The following KCNH1 variants were observed in gnomAD, a reference collection of about 807,000 sequenced individuals.
KCNH1 encodes potassium voltage-gated channel subfamily H member 1.
KCNH1 carries 27 observed loss-of-function variants against 69.2 expected under a neutral mutation model. The ratio of observed to expected loss-of-function variants is 0.39; its 90% CI spans 0.29 to 0.54. The LOEUF (loss-of-function observed/expected upper bound fraction) is 0.54. Ranked by LOEUF, KCNH1 falls within the 20% of genes least tolerant of loss-of-function variation. KCNH1 has a pLI of 0.68. For missense variants in KCNH1, 798 were observed against 1,261.6 expected (o/e 0.63, Z 5.57); for synonymous variants, 456 against 487.7 (o/e 0.93, Z 0.86).
intron 6 of KCNH1, among the ~76,000 whole-genome samples, chr1:210,987,065 GGTGA>G (rs2102385044): frequency 6.6e-6 from 1 of 152,248 alleles, no homozygotes; most frequent in African/African-American, 2.4e-5. Flanking sequence ...CTTTCTTCCA[GGTGA>G]GTGAATCAGC....
chr1:210,804,306 C>T, intron 7 of KCNH1, 140 bp from the exon 8 acceptor site: 1 of 678,902 alleles, frequency 1.5e-6, no homozygotes, highest in South Asian at 1.9e-5. Context: ...TGACTATTCT[C>T]AGGAGACCCT....
intron 10 of KCNH1, among the ~76,000 whole-genome samples, chr1:210,765,115 A>G (rs750659602): frequency 3.9e-5 from 6 of 152,214 alleles, no homozygotes; most frequent in Non-Finnish European, 5.9e-5. Context: ...ACAGAAAACT[A>G]TGTACCACAT....
chr1:211,059,147 G>A (rs1690372855), intron 5 of KCNH1, among the ~76,000 whole-genome samples: 1 of 151,900 alleles, frequency 6.6e-6, no homozygotes, highest in African/African-American at 2.4e-5. Context: ...AGGTATGGTG[G>A]CATGTGCCTG....
At chr1:210,784,542 T>G (rs915743688) in intron 9 of KCNH1, among the ~76,000 whole-genome samples, 4 of 152,150 alleles carry the variant, frequency 2.6e-5, no homozygotes, top group African/African-American at 9.7e-5. Context: ...GGATTTCTTA[T>G]GCCAACAAAG....
At chr1:210,988,192 C>T (rs367597709) in intron 6 of KCNH1, among the ~76,000 whole-genome samples, 5 of 152,184 alleles carry the variant, frequency 3.3e-5, no homozygotes, top group Non-Finnish European at 7.3e-5. Context: ...ACCCCTTTCT[C>T]TGACTAGGAA....
chr1:210,718,330 A>G (rs56035757), intron 10 of KCNH1, among the ~76,000 whole-genome samples: 2 of 31,552 alleles, frequency 6.3e-5, no homozygotes, highest in Non-Finnish European at 1.6e-4. Context: ...AAATATATAT[A>G]AATATATGTA....
chr1:210,995,486 T>C (rs529495661), intron 6 of KCNH1, among the ~76,000 whole-genome samples: 34 of 152,266 alleles, frequency 2.2e-4, no homozygotes, highest in African/African-American at 7.5e-4. Flanking sequence ...AAACTTACAG[T>C]ACACACACAA....
intron 7 of KCNH1, among the ~76,000 whole-genome samples, chr1:210,897,698 T>G (rs750332070): frequency 2.6e-5 from 4 of 152,192 alleles, no homozygotes; most frequent in Admixed American, 6.5e-5. Context: ...CCTTGCATGC[T>G]CACCTGCCTT....
intron 7 of KCNH1, among the ~76,000 whole-genome samples, chr1:210,810,284 T>C (rs1479812430): frequency 1.3e-5 from 2 of 152,198 alleles, no homozygotes; most frequent in Non-Finnish European, 2.9e-5. Context: ...GTAGGATCCC[T>C]TGTCCTGCAT....
chr1:210,980,738 C>G (rs1688694533), intron 6 of KCNH1, among the ~76,000 whole-genome samples: 1 of 151,866 alleles, frequency 6.6e-6, no homozygotes, highest in Admixed American at 6.6e-5. Flanking sequence ...CTCTGGTTCT[C>G]CAGAAAGGGG....
chr1:210,888,091 T>A (rs1282551689), intron 7 of KCNH1, among the ~76,000 whole-genome samples: 1 of 152,046 alleles, frequency 6.6e-6, no homozygotes, highest in East Asian at 1.9e-4. Context: ...CCAACCCAAA[T>A]CAACAGAATA....
intron 6 of KCNH1, among the ~76,000 whole-genome samples, chr1:210,989,232 A>G (rs1446345753): frequency 6.6e-6 from 1 of 152,254 alleles, no homozygotes; most frequent in Non-Finnish European, 1.5e-5. Context: ...CAAGACTCAG[A>G]GATGTTAACT....
intron 3 of KCNH1, among the ~76,000 whole-genome samples, chr1:211,095,273 G>A (rs1691127853): frequency 6.6e-6 from 1 of 152,140 alleles, no homozygotes; most frequent in Non-Finnish European, 1.5e-5. Context: ...AAGGACAACG[G>A]GTCAATGTTA....
chr1:210,685,475 G>A (rs1012732184), intron 10 of KCNH1, among the ~76,000 whole-genome samples: 5 of 152,128 alleles, frequency 3.3e-5, no homozygotes. Context: ...AGGCACACGT[G>A]GTGGCATGCC....
intron 10 of KCNH1, among the ~76,000 whole-genome samples, chr1:210,769,684 G>A (rs990826716): frequency 2.0e-5 from 3 of 152,206 alleles, no homozygotes; most frequent in African/African-American, 7.2e-5. Flanking sequence ...TTGCTTGTCT[G>A]CAGTACATCA....
At chr1:210,929,020 G>A (rs2221251) in intron 6 of KCNH1, among the ~76,000 whole-genome samples, 132 of 152,152 alleles carry the variant, frequency 8.7e-4, no homozygotes, top group African/African-American at 3.1e-3. Flanking sequence ...AACAAGTAGC[G>A]AGATTGAAAT....
At chr1:210,987,536 G>A (rs1036235574) in intron 6 of KCNH1, among the ~76,000 whole-genome samples, 1 of 152,192 alleles carries the variant, frequency 6.6e-6, no homozygotes, top group Non-Finnish European at 1.5e-5. Flanking sequence ...GTTGGAGTTT[G>A]CTGGAAGTCC....
intron 10 of KCNH1, among the ~76,000 whole-genome samples, chr1:210,694,592 T>A (rs1020125315): frequency 6.6e-6 from 1 of 152,028 alleles, no homozygotes; most frequent in Non-Finnish European, 1.5e-5. Flanking sequence ...AGTCCAAAAT[T>A]CCCAGGGAAT....
chr1:211,023,785 T>A (rs1198706644), intron 5 of KCNH1, among the ~76,000 whole-genome samples: 3 of 152,160 alleles, frequency 2.0e-5, no homozygotes, highest in Non-Finnish European at 4.4e-5. Flanking sequence ...AAATTTATCA[T>A]CCTATCACAT....
Sources: allele counts gnomAD v4.1 joint callset (sites outside exome capture counted in the v4.1 genomes callset), GRCh38; gene constraint gnomAD v4.1.1; transcripts MANE v1.5; gene names NCBI Gene and HGNC (gene_info 2026-07-23, HGNC 2026-07-21).